TGFBR2: variants seen among roughly 807,000 people sequenced by gnomAD.
TGFBR2 encodes the protein TGF-beta receptor type-2.
Under a neutral mutation model 49.0 loss-of-function variants are expected in TGFBR2, and 18 were observed. The ratio of observed to expected loss-of-function variants is 0.37; its 90% CI spans 0.25 to 0.54. TGFBR2 has a LOEUF of 0.54. Among genes scored for constraint, TGFBR2 ranks in the 20% least tolerant of loss-of-function variants. The pLI is 0.85. For synonymous variants in TGFBR2, 282 were observed against 275.9 expected (o/e 1.02, Z -0.22); for missense variants, 525 against 722.6 (o/e 0.73, Z 3.13).
chr3:30,646,076 A>G (rs957459849), intron 2 of TGFBR2, among the ~76,000 whole-genome samples: 4 of 152,196 alleles, frequency 2.6e-5, no homozygotes, highest in Non-Finnish European at 5.9e-5. Flanking sequence ...AAAGTAACTT[A>G]TGTGTCTCCT....
At chr3:30,640,379 A>T (rs1412069604) in intron 1 of TGFBR2, among the ~76,000 whole-genome samples, 2 of 152,190 alleles carry the variant, frequency 1.3e-5, no homozygotes, top group African/African-American at 4.8e-5. Context: ...GTCTATAGGA[A>T]TCGAAGTACA....
intron 5 of TGFBR2, among the ~76,000 whole-genome samples, chr3:30,678,160 G>A (rs1186609537): frequency 6.6e-6 from 1 of 152,114 alleles, no homozygotes; most frequent in Admixed American, 6.5e-5. Context: ...GTGTGCTTGT[G>A]GGATCATGGA....
At chr3:30,609,942 A>G (rs1295370444) in intron 1 of TGFBR2, among the ~76,000 whole-genome samples, 1 of 152,210 alleles carries the variant, frequency 6.6e-6, no homozygotes, top group African/African-American at 2.4e-5. Context: ...TCAATGTAGC[A>G]TTCCCTAATG....
At chr3:30,655,330 CCTACATAT>C (rs1002328060) in intron 3 of TGFBR2, among the ~76,000 whole-genome samples, 6 of 152,252 alleles carry the variant, frequency 3.9e-5, no homozygotes, top group Admixed American at 3.9e-4. Context: ...CATTTGGATA[CCTACATAT>C]CACACCACAA....
At chr3:30,611,922 T>C (rs571427830) in intron 1 of TGFBR2, among the ~76,000 whole-genome samples, 37 of 152,314 alleles carry the variant, frequency 2.4e-4, no homozygotes, top group African/African-American at 8.7e-4. Context: ...TCCAGGTCCT[T>C]ATGTACAACT....
At chr3:30,609,990 G>C (rs562039352) in intron 1 of TGFBR2, among the ~76,000 whole-genome samples, 1 of 152,242 alleles carries the variant, frequency 6.6e-6, no homozygotes, top group East Asian at 1.9e-4. Flanking sequence ...ACTACTACAT[G>C]TTTTCTACTC....
chr3:30,640,462 TC>T (rs907145245), intron 1 of TGFBR2, among the ~76,000 whole-genome samples: 10 of 152,144 alleles, frequency 6.6e-5, no homozygotes, highest in African/African-American at 2.4e-4. Flanking sequence ...GATGTTTAAC[TC>T]CCTTATATAA....
intron 1 of TGFBR2, among the ~76,000 whole-genome samples, chr3:30,639,543 C>T (rs1161567658): frequency 6.6e-6 from 1 of 152,142 alleles, no homozygotes; most frequent in Non-Finnish European, 1.5e-5. Context: ...CTATGCTACA[C>T]CTGCAGGTTA....
chr3:30,670,540 G>C (rs1699318889), intron 3 of TGFBR2, among the ~76,000 whole-genome samples: 1 of 152,194 alleles, frequency 6.6e-6, no homozygotes, highest in Admixed American at 6.5e-5. Flanking sequence ...AAGCAGCCCA[G>C]CACAAGCTCC....
intron 1 of TGFBR2, among the ~76,000 whole-genome samples, chr3:30,612,127 A>C (rs1226939033): frequency 6.6e-6 from 1 of 152,180 alleles, no homozygotes; most frequent in African/African-American, 2.4e-5. Flanking sequence ...TGGACAGGCA[A>C]ATTGTCTCAT....
At position 30,654,233 on chromosome 3, in the gene TGFBR2, G is replaced by T. The variant is rs548927466; in HGVS notation, c.454+3773G>T. On this transcript the variant is annotated intron_variant, in intron 3 of 6. Coordinates refer to ENST00000295754, the MANE Select transcript of TGFBR2 (RefSeq NM_003242.6). ...TTGTTGTTGTAAATGAGGCTTGGTT[G>T]TCTGTAGAGGCAGAGGAACACGGTA... 9.2e-5 allele frequency among the ~76,000 whole-genome samples: 14 copies of T among 152,312 alleles called. No individual in the cohort carries two copies. The East Asian group carries it at 2.7e-3, about 29-fold the overall frequency.
In TGFBR2 at chr3:30,636,861, G is replaced by C. The variant is rs374288029; in HGVS notation, c.95-7886G>C. ...GGGCAGATCACGAGGTCAGGAGATC[G>C]AGACCATCCTGGCTAACACGGTGAA... On this transcript the variant is annotated intron_variant, in intron 1 of 6. Transcript: ENST00000295754. Among the ~76,000 whole-genome samples the C allele has an allele frequency of 6.6e-4, 100 of 151,932 alleles. No individual in the cohort carries two copies. In the South Asian group the frequency reaches 0.019, roughly 28 times the overall value.
At chr3:30,678,565 A>AAAAAAAG (rs1559469322) in intron 5 of TGFBR2, among the ~76,000 whole-genome samples, 1 of 150,364 alleles carries the variant, frequency 6.7e-6, no homozygotes, top group African/African-American at 2.5e-5. Flanking sequence ...AAAAAAAAAA[A>AAAAAAAG]AAAGAGGTAT....
chr3:30,661,612 C>G (rs775527047), intron 3 of TGFBR2: 1 of 515,314 alleles, frequency 1.9e-6, no homozygotes, highest in Non-Finnish European at 3.9e-6. Context: ...GGAATCTGCT[C>G]ATGTGATGAA....
chr3:30,636,734 G>A (rs1317658478), intron 1 of TGFBR2, among the ~76,000 whole-genome samples: 2 of 69,476 alleles, frequency 2.9e-5, no homozygotes, highest in East Asian at 2.2e-4. Context: ...GTGTGTGCAC[G>A]TGTGTGTGTG....
In TGFBR2 at chr3:30,672,474, A is replaced by G; in HGVS notation, c.1254+37A>G. The G allele has an allele frequency of 6.2e-7, 1 of 1,605,882 alleles. No individual in the cohort carries two copies. The highest frequency in any genetic ancestry group is 1.3e-5 in the African/African-American group (1 of 74,818). The stretch of plus-strand genomic sequence containing the variant: ...CTAGTGCTAGATCCCCTTTACCTTG[A>G]GCCTGGCCTCACCCTACCTCTTGAT... On this transcript the variant is annotated intron_variant, in intron 4 of 6. Transcript: ENST00000295754. This position sits in a 1 kb window ranked among gnomAD's most constrained non-coding sequence, Gnocchi z 4.5.
intron 1 of TGFBR2, among the ~76,000 whole-genome samples, chr3:30,609,081 G>A (rs528345794): frequency 2.0e-5 from 3 of 152,240 alleles, no homozygotes; most frequent in South Asian, 4.1e-4. Context: ...GCTTAAAAAC[G>A]TGGTGGCTTT....
At chr3:30,648,333 C>T (rs1421861271) in intron 2 of TGFBR2, among the ~76,000 whole-genome samples, 2 of 151,730 alleles carry the variant, frequency 1.3e-5, no homozygotes. Context: ...CCTTCTTAGG[C>T]CTCTATAAGC....
chr3:30,690,409 C>T (rs553667432), intron 6 of TGFBR2, among the ~76,000 whole-genome samples: 2 of 152,152 alleles, frequency 1.3e-5, no homozygotes, highest in Non-Finnish European at 2.9e-5. Context: ...TTAGGGTGAA[C>T]CCTAGGAAAT....
Sources: allele counts gnomAD v4.1 joint callset (sites outside exome capture counted in the v4.1 genomes callset), GRCh38; gene constraint gnomAD v4.1.1; non-coding constraint Gnocchi (gnomAD v3.1); transcripts MANE v1.5; gene names NCBI Gene and HGNC (gene_info 2026-07-23, HGNC 2026-07-21).